The following CDH20 variants were observed in gnomAD, a reference collection of about 807,000 sequenced individuals.
The protein encoded by CDH20 is cadherin 20, also known as cadherin-20.
In CDH20, 29 loss-of-function variants were observed where a neutral mutation model predicts 74.2. The ratio of observed to expected loss-of-function variants is 0.39; its 90% CI spans 0.29 to 0.53. The LOEUF (loss-of-function observed/expected upper bound fraction) is 0.53. Among genes scored for constraint, CDH20 ranks in the 20% least tolerant of loss-of-function variants. The pLI is 0.69. For missense variants in CDH20, 988 were observed against 1,048.3 expected (o/e 0.94, Z 0.79); for synonymous variants, 469 against 405.4 (o/e 1.16, Z -1.88).
chr18:61,446,142 T>C (rs1909196365), intron 1 of CDH20, among the ~76,000 whole-genome samples: 1 of 152,170 alleles, frequency 6.6e-6, no homozygotes, highest in African/African-American at 2.4e-5. Context: ...TGACTAAGGC[T>C]AGCCATACCT....
chr18:61,539,231 A>AT, intron 9 of CDH20, 86 bp downstream of exon 9: 1 of 1,372,076 alleles, frequency 7.3e-7, no homozygotes, highest in Non-Finnish European at 1.0e-6. Flanking sequence ...CATCAAAGCC[A>AT]TTTTGACTCC....
At chr18:61,418,615 A>T (rs1353290028) in intron 1 of CDH20, among the ~76,000 whole-genome samples, 8 of 151,744 alleles carry the variant, frequency 5.3e-5, no homozygotes, top group Non-Finnish European at 1.2e-4. Context: ...TTTCTAATAC[A>T]ATTTACCATT....
At chr18:61,386,861 G>C (rs898830174) in intron 1 of CDH20, among the ~76,000 whole-genome samples, 1 of 152,144 alleles carries the variant, frequency 6.6e-6, no homozygotes, top group Non-Finnish European at 1.5e-5. Context: ...TGTATATTAA[G>C]AGAAAAAGAT....
chr18:61,478,534 T>C (rs1910474186), intron 1 of CDH20, among the ~76,000 whole-genome samples: 1 of 152,204 alleles, frequency 6.6e-6, no homozygotes, highest in Non-Finnish European at 1.5e-5. Flanking sequence ...ATTATAAAAA[T>C]AGTATTCACC....
intron 1 of CDH20, among the ~76,000 whole-genome samples, chr18:61,387,398 C>T (rs1479971687): frequency 6.6e-6 from 1 of 152,154 alleles, no homozygotes; most frequent in Non-Finnish European, 1.5e-5. Flanking sequence ...ATGAATCTGT[C>T]AAGGCAACAT....
At chr18:61,495,846 T>C (rs1406642681) in intron 2 of CDH20, among the ~76,000 whole-genome samples, 1 of 152,152 alleles carries the variant, frequency 6.6e-6, no homozygotes, top group African/African-American at 2.4e-5. Context: ...GTGTGAGTTT[T>C]GTTCCCTGAC....
At chr18:61,543,395 T>C (rs1913110052) in intron 9 of CDH20, among the ~76,000 whole-genome samples, 1 of 152,166 alleles carries the variant, frequency 6.6e-6, no homozygotes, top group South Asian at 2.1e-4. Flanking sequence ...TGCTGTTGCT[T>C]GGTAGAAGAG....
rs757119618 is a variant in CDH20 at position 61,554,459 on chromosome 18, A to T, written c.2170A>T (p.Ser724Cys). 1 of 1,613,330 alleles carries T rather than the reference A, an allele frequency of 6.2e-7. No homozygotes were observed. The highest frequency in any genetic ancestry group is 2.2e-5 in the East Asian group (1 of 44,860). ...GTGCGCAGTGAACAGCACTGTCCACAGCTACGTGCTGGCCAAGCTCTACGA... is the reference window on the plus strand; with the variant it reads ...GTGCGCAGTGAACAGCACTGTCCACTGCTACGTGCTGGCCAAGCTCTACGA... ...QTCAVNSTVH[S>C]YVLAKLYEAD... The change falls in exon 12 of 12, where the codon AGC becomes TGC. Residue 724 changes from serine to cysteine, a missense_variant. Ser to Cys is a moderately radical substitution (Grantham distance 112, BLOSUM62 -1). Around this residue, in one of 2 missense-constraint regions of CDH20, gnomAD observed 375 missense variants for 293.1 expected, o/e 1.28. Transcript: ENST00000262717.
At chr18:61,365,010 C>T (rs1187310496) in intron 1 of CDH20, among the ~76,000 whole-genome samples, 1 of 152,150 alleles carries the variant, frequency 6.6e-6, no homozygotes, top group Non-Finnish European at 1.5e-5. Context: ...TCAGGGAAAG[C>T]CTGTGCTTTC....
Position 61,507,417 on chromosome 18 carries a change from A to G in CDH20, c.874A>G (p.Thr292Ala). 6.2e-7 allele frequency: 1 copy of G among 1,614,138 alleles called. No individual in the cohort carries two copies. The highest frequency in any genetic ancestry group is 8.5e-7 in the Non-Finnish European group (1 of 1,180,006). The change falls in exon 6 of 12, where the codon ACT becomes GCT. Residue 292 changes from threonine (T) to alanine (A), a missense_variant. By Grantham distance (58) the Thr-to-Ala change is moderately conservative (BLOSUM62 0). Coordinates refer to ENST00000262717, the MANE Select transcript of CDH20 (RefSeq NM_031891.4). ...GTTGGAATCAGCTCCAATTAGCTCC[A>G]CTGTCGGGAGAGTGTTTGCCAAGGA... ...SVLESAPISS[T>A]VGRVFAKDLD...
chr18:61,514,319 C>T (rs867511219), intron 6 of CDH20, among the ~76,000 whole-genome samples: 3 of 152,332 alleles, frequency 2.0e-5, no homozygotes, highest in Middle Eastern at 3.4e-3. Flanking sequence ...GCATTCTTCA[C>T]GTAGTTCACG....
At chr18:61,501,453 G>A (rs116295083) in intron 4 of CDH20, among the ~76,000 whole-genome samples, 2,039 of 152,160 alleles carry the variant, frequency 0.013, 50 homozygotes, top group African/African-American at 0.047. Context: ...GATATAGGAA[G>A]TATTATTACT....
At position 61,490,472 on chromosome 18, in the gene CDH20, T is replaced by G. The variant is rs1320304200; in HGVS notation, c.-82T>G. 1 of 1,397,794 alleles carries G rather than the reference T, an allele frequency of 7.2e-7. No homozygotes were observed. Among genetic ancestry groups the G allele is most frequent in the African/African-American group, 1.4e-5 (1 of 70,116 alleles). The allele number at this position is 1,397,794 out of a possible 1,614,324, so 86.6% of individuals were successfully genotyped here. A position where few individuals can be genotyped will look rare whatever the true frequency, so the allele number is the denominator to read the frequency against. ...GAAGCATAAGTGTCCAATCAAAAACTGTGTATTTTTTTAAATTTGGAAAAT... is the reference window on the plus strand; with the variant it reads ...GAAGCATAAGTGTCCAATCAAAAACGGTGTATTTTTTTAAATTTGGAAAAT... On this transcript the variant is annotated 5_prime_UTR_variant, in exon 2 of 12. Coordinates refer to ENST00000262717, the MANE Select transcript of CDH20 (RefSeq NM_031891.4).
intron 1 of CDH20, among the ~76,000 whole-genome samples, chr18:61,485,784 C>T (rs576889174): frequency 6.6e-6 from 1 of 152,114 alleles, no homozygotes; most frequent in Admixed American, 6.6e-5. Flanking sequence ...TAGAAAAAAA[C>T]CCATTTTGGC....
chr18:61,461,168 G>A (rs74711185), intron 1 of CDH20, among the ~76,000 whole-genome samples: 3,327 of 151,776 alleles, frequency 0.022, 55 homozygotes, highest in African/African-American at 0.05. Flanking sequence ...AAAATATTTT[G>A]GATTTTTATT....
chr18:61,455,910 G>T (rs761814552), intron 1 of CDH20, among the ~76,000 whole-genome samples: 2 of 152,106 alleles, frequency 1.3e-5, no homozygotes, highest in Non-Finnish European at 2.9e-5. Context: ...AATTGTATAG[G>T]TAACAGCATC....
Position 61,554,489 on chromosome 18 carries a change from G to A in CDH20, c.2200G>A (p.Asp734Asn), listed in dbSNP as rs772261541. ...CGTGCTGGCCAAGCTCTACGAGGCC[G>A]ACATGGACCTGTGGGCACCGCCCTT... Reference protein sequence around the residue: ...SYVLAKLYEADMDLWAPPFDS... With the variant: ...SYVLAKLYEANMDLWAPPFDS... Residue 734 changes from aspartate (D) to asparagine (N), a missense_variant, in exon 12 of 12, where the codon GAC becomes AAC. Physicochemically the swap from Asp to Asn is conservative, Grantham distance 23. Transcript: ENST00000262717. 1.9e-6 allele frequency: 3 copies of A among 1,612,804 alleles called. No homozygotes were observed. Among genetic ancestry groups the A allele is most frequent in the Non-Finnish European group, 2.5e-6 (3 of 1,179,682 alleles).
At chr18:61,421,855 T>A (rs1912892701) in intron 1 of CDH20, among the ~76,000 whole-genome samples, 1 of 152,086 alleles carries the variant, frequency 6.6e-6, no homozygotes, top group African/African-American at 2.4e-5. Flanking sequence ...TAATTCCAAT[T>A]CCACTGGAAA....
chr18:61,420,325 C>T (rs900488146), intron 1 of CDH20, among the ~76,000 whole-genome samples: 1 of 149,552 alleles, frequency 6.7e-6, no homozygotes, highest in Non-Finnish European at 1.5e-5. Context: ...AGTAGGAGCA[C>T]AACAACATGT....
Sources: allele counts gnomAD v4.1 joint callset (sites outside exome capture counted in the v4.1 genomes callset), GRCh38; gene constraint gnomAD v4.1.1; regional missense constraint gnomAD v4.1.1; transcripts MANE v1.5; gene names NCBI Gene and HGNC (gene_info 2026-07-23, HGNC 2026-07-21).